The following PTPRM variants were observed in gnomAD, a reference collection of about 807,000 sequenced individuals.
PTPRM encodes the protein receptor-type tyrosine-protein phosphatase mu.
In PTPRM, 47 loss-of-function variants were observed where a neutral mutation model predicts 186.7. The observed-to-expected ratio is 0.25, with a 90% CI of 0.20 to 0.32. The LOEUF is 0.32. Among genes scored for constraint, PTPRM ranks in the 10% least tolerant of loss-of-function variants. The probability of loss-of-function intolerance (pLI) is 1.00; values close to 1 mark genes in which losing one functional copy is unlikely to be tolerated. For synonymous variants in PTPRM, 668 were observed against 674.9 expected (o/e 0.99, Z 0.16); for missense variants, 1,494 against 1,865.0 (o/e 0.80, Z 3.66).
At chr18:8,185,303 C>T (rs2093627733) in intron 14 of PTPRM, among the ~76,000 whole-genome samples, 1 of 152,218 alleles carries the variant, frequency 6.6e-6, no homozygotes, top group Non-Finnish European at 1.5e-5. Flanking sequence ...TATTCTTGCA[C>T]CCTGTGCTGT....
intron 1 of PTPRM, among the ~76,000 whole-genome samples, chr18:7,670,784 C>T (rs1311268921): frequency 6.6e-6 from 1 of 152,036 alleles, no homozygotes; most frequent in Admixed American, 6.6e-5. Flanking sequence ...ATTTTGGCTA[C>T]CAAACACCTC....
intron 14 of PTPRM, among the ~76,000 whole-genome samples, chr18:8,182,136 T>C (rs149594263): frequency 5.9e-4 from 90 of 152,332 alleles, no homozygotes; most frequent in African/African-American, 1.9e-3. Context: ...CGTGTGAATA[T>C]GTTTATAGTT....
intron 19 of PTPRM, among the ~76,000 whole-genome samples, chr18:8,265,666 T>G (rs1179595650): frequency 6.6e-6 from 1 of 152,140 alleles, no homozygotes; most frequent in Non-Finnish European, 1.5e-5. Context: ...AAAAGTCAAT[T>G]TTTTTTCAAA....
intron 1 of PTPRM, among the ~76,000 whole-genome samples, chr18:7,675,623 G>A (rs1334828065): frequency 6.6e-6 from 1 of 152,160 alleles, no homozygotes; most frequent in African/African-American, 2.4e-5. Flanking sequence ...GGGTTCTGCT[G>A]ACGCTGGTTT....
intron 14 of PTPRM, among the ~76,000 whole-genome samples, chr18:8,228,725 C>T (rs918876207): frequency 1.1e-4 from 17 of 151,030 alleles, no homozygotes; most frequent in South Asian, 2.1e-4. Context: ...TGGTGGCATA[C>T]GCCTGTAGTC....
chr18:7,666,260 G>T (rs943078917), intron 1 of PTPRM, among the ~76,000 whole-genome samples: 5 of 151,126 alleles, frequency 3.3e-5, no homozygotes, highest in Admixed American at 1.3e-4. Context: ...TTCTCTTTCT[G>T]TTCCCTTCCT....
chr18:8,187,705 A>G (rs1306903208), intron 14 of PTPRM, among the ~76,000 whole-genome samples: 1 of 152,200 alleles, frequency 6.6e-6, no homozygotes, highest in Admixed American at 6.5e-5. Flanking sequence ...AGGTGAAGTT[A>G]ACGGGACTTG....
intron 1 of PTPRM, among the ~76,000 whole-genome samples, chr18:7,616,814 A>G (rs1244709335): frequency 6.6e-6 from 1 of 152,030 alleles, no homozygotes; most frequent in Non-Finnish European, 1.5e-5. Context: ...GCCTGGGGAG[A>G]TCTGCCTGTT....
intron 2 of PTPRM, among the ~76,000 whole-genome samples, chr18:7,884,022 C>T (rs2048639193): frequency 6.6e-6 from 1 of 152,020 alleles, no homozygotes; most frequent in African/African-American, 2.4e-5. Flanking sequence ...TGATGCACAC[C>T]TATGATCCCA....
At chr18:7,676,539 A>T (rs1364602027) in intron 1 of PTPRM, among the ~76,000 whole-genome samples, 2 of 152,006 alleles carry the variant, frequency 1.3e-5, no homozygotes, top group Admixed American at 6.6e-5. Context: ...AACCTCACCA[A>T]AATTTTATGT....
At chr18:8,008,027 G>A (rs992015126) in intron 7 of PTPRM, among the ~76,000 whole-genome samples, 2 of 151,992 alleles carry the variant, frequency 1.3e-5, no homozygotes, top group African/African-American at 4.8e-5. Context: ...TATTTTTTAG[G>A]GTACATTGAA....
chr18:7,957,449 A>G (rs2053388792), intron 7 of PTPRM, among the ~76,000 whole-genome samples: 1 of 152,182 alleles, frequency 6.6e-6, no homozygotes, highest in Non-Finnish European at 1.5e-5. Flanking sequence ...ATGAAACCTC[A>G]CCTAAACCAG....
intron 14 of PTPRM, among the ~76,000 whole-genome samples, chr18:8,195,538 C>T (rs1220470108): frequency 6.6e-6 from 1 of 152,200 alleles, no homozygotes; most frequent in Non-Finnish European, 1.5e-5. Flanking sequence ...TATCTGTACA[C>T]TATGGGATAC....
intron 1 of PTPRM, among the ~76,000 whole-genome samples, chr18:7,757,904 A>G (rs540132324): frequency 1.7e-4 from 26 of 152,176 alleles, no homozygotes; most frequent in African/African-American, 5.8e-4. Context: ...GATGCCCTTT[A>G]GTCATGGGGA....
intron 5 of PTPRM, among the ~76,000 whole-genome samples, chr18:7,930,047 C>T (rs1371894754): frequency 2.0e-5 from 3 of 152,058 alleles, no homozygotes; most frequent in South Asian, 4.2e-4. Flanking sequence ...TTTGGGGGTA[C>T]ATTGGTGTTT....
At chr18:7,985,292 TATACATATAATA>T in intron 7 of PTPRM, among the ~76,000 whole-genome samples, 1 of 103,410 alleles carries the variant, frequency 9.7e-6, no homozygotes, top group South Asian at 2.8e-4. Flanking sequence ...CACATAAATA[TATACATATAATA>T]GTATATACAC....
rs79513896 is a variant in PTPRM, at chr18:7,827,839, C to A, written c.196+53568C>A. Among the ~76,000 whole-genome samples, 888 of 152,312 alleles carry A rather than the reference C, an allele frequency of 5.8e-3. 4 individuals carry two copies. The highest frequency in any genetic ancestry group is 8.0e-3 in the Non-Finnish European group (541 of 68,030). On this transcript the variant is annotated intron_variant, in intron 2 of 32. Transcript: ENST00000580170. ...ATTGTCAGGAGGCATGGTTTTCTCA[C>A]AACTGTGGGCGTGATTAATTACTTG...
intron 7 of PTPRM, among the ~76,000 whole-genome samples, chr18:7,973,948 T>C (rs1321961962): frequency 6.6e-6 from 1 of 151,602 alleles, no homozygotes; most frequent in East Asian, 1.9e-4. Context: ...TTAGAGTATT[T>C]AGTCAGTGAG....
chr18:7,990,400 T>G (rs553793573), intron 7 of PTPRM, among the ~76,000 whole-genome samples: 3 of 152,192 alleles, frequency 2.0e-5, no homozygotes, highest in Admixed American at 1.3e-4. Context: ...ATTCTCTTAA[T>G]AAGAAGAGAC....
Sources: gnomAD v4.1 joint callset for allele counts (sites outside exome capture counted in the v4.1 genomes callset) on GRCh38, gnomAD v4.1.1 for gene constraint, MANE v1.5 for transcripts, NCBI Gene and HGNC (gene_info 2026-07-23, HGNC 2026-07-21) for gene names.